The following NRXN1 variants were observed in gnomAD, a reference collection of about 807,000 sequenced individuals.
NRXN1 encodes neurexin 1.
In NRXN1, 39 loss-of-function variants were observed where a neutral mutation model predicts 150.9. The observed-to-expected ratio is 0.26, with a 90% CI of 0.20 to 0.34. The LOEUF (loss-of-function observed/expected upper bound fraction) is 0.34. NRXN1 is among the 10% of genes least tolerant of loss of function. The pLI, the probability that NRXN1 is intolerant of heterozygous loss-of-function variation, is 1.00. For missense variants in NRXN1, 1,815 were observed against 1,949.9 expected (o/e 0.93, Z 1.30); for synonymous variants, 924 against 757.0 (o/e 1.22, Z -3.62).
intron 2 of NRXN1, among the ~76,000 whole-genome samples, chr2:50,991,070 T>G (rs1214495847): frequency 3.9e-5 from 6 of 152,082 alleles, no homozygotes; most frequent in Non-Finnish European, 7.4e-5. Context: ...TGCTAGGAAC[T>G]AGGAATACAG....
intron 5 of NRXN1, among the ~76,000 whole-genome samples, chr2:50,796,165 G>A (rs1329329437): frequency 1.3e-5 from 2 of 152,088 alleles, no homozygotes; most frequent in African/African-American, 4.8e-5. Context: ...CTATAACAGG[G>A]ATTCTCAGAA....
intron 21 of NRXN1, among the ~76,000 whole-genome samples, chr2:50,017,674 T>G (rs1686882587): frequency 6.9e-6 from 1 of 145,006 alleles, no homozygotes; most frequent in African/African-American, 2.7e-5. Context: ...TTTTTTTTTT[T>G]TTTGGATTTA....
chr2:50,820,143 G>C (rs1359473246), intron 5 of NRXN1, among the ~76,000 whole-genome samples: 1 of 151,952 alleles, frequency 6.6e-6, no homozygotes, highest in African/African-American at 2.4e-5. Flanking sequence ...AAAAAAACAA[G>C]AATCATGAAG....
In NRXN1 at chr2:50,472,504, T is replaced by C. The variant is rs763524756; in HGVS notation, c.3071-33A>G. On this transcript the variant is annotated intron_variant, in intron 15 of 22. Transcript: ENST00000401669. ...AAGATCAAAGTCTTTGTTACAAAAGTACCATGTCATTGACTTTAAACACAC... is the reference window on the plus strand; with the variant it reads ...AAGATCAAAGTCTTTGTTACAAAAGCACCATGTCATTGACTTTAAACACAC... The C allele has an allele frequency of 2.4e-5, 38 of 1,575,338 alleles. No individual in the cohort carries two copies. The Admixed American group carries it at 6.1e-4, about 25-fold the overall frequency.
At chr2:50,255,339 C>T (rs185997902) in intron 17 of NRXN1, among the ~76,000 whole-genome samples, 41 of 152,110 alleles carry the variant, frequency 2.7e-4, no homozygotes, top group African/African-American at 9.9e-4. Context: ...TTACATTTTA[C>T]CACCCATGTG....
At position 50,779,768 on chromosome 2, in the gene NRXN1, A is replaced by AAAAAT. The variant is rs202024356; in HGVS notation, c.832+142096_832+142100dup. ...GGGTGACAGAGCCGGACTCCGTCGC[A>AAAAAT]AAAATAAAATAAAATAAAATAAAAC... On this transcript the variant is annotated intron_variant, in intron 5 of 22. Coordinates refer to ENST00000401669, the MANE Select transcript of NRXN1 (RefSeq NM_001330078.2). Among the ~76,000 whole-genome samples, 286 of 152,226 alleles carry AAAAAT rather than the reference A, an allele frequency of 1.9e-3. 4 individuals carry two copies. Among genetic ancestry groups the AAAAAT allele is most frequent in the African/African-American group, 6.6e-3 (272 of 41,514 alleles).
chr2:50,390,924 AAATAAATCATATT>A (rs1329360650), intron 17 of NRXN1, among the ~76,000 whole-genome samples: 4 of 152,168 alleles, frequency 2.6e-5, no homozygotes, highest in African/African-American at 9.7e-5. Context: ...CAGATTAAGA[AAATAAATCATATT>A]AGTATTTCAC....
intron 19 of NRXN1, among the ~76,000 whole-genome samples, chr2:50,065,555 T>G (rs1695230153): frequency 6.6e-6 from 1 of 152,178 alleles, no homozygotes; most frequent in African/African-American, 2.4e-5. Context: ...CCTCAACGAT[T>G]TATCAGGAGG....
intron 17 of NRXN1, among the ~76,000 whole-genome samples, chr2:50,436,439 G>C (rs988363965): frequency 4.7e-5 from 7 of 148,804 alleles, no homozygotes; most frequent in African/African-American, 1.8e-4. Context: ...GGCAACAAGA[G>C]TGAAACTCCG....
intron 18 of NRXN1, among the ~76,000 whole-genome samples, chr2:50,107,632 T>G (rs1701860793): frequency 2.0e-5 from 3 of 150,636 alleles, no homozygotes; most frequent in African/African-American, 7.3e-5. Flanking sequence ...CTGGTTATAT[T>G]CACACATTGT....
At chr2:50,653,497 A>G (rs186900048) in intron 5 of NRXN1, among the ~76,000 whole-genome samples, 135 of 152,164 alleles carry the variant, frequency 8.9e-4, no homozygotes, top group African/African-American at 3.1e-3. Flanking sequence ...AAATACACCA[A>G]CTTAGGTTAC....
At chr2:49,985,033 A>G (rs1018199805) in intron 21 of NRXN1, among the ~76,000 whole-genome samples, 2 of 152,238 alleles carry the variant, frequency 1.3e-5, no homozygotes, top group Non-Finnish European at 2.9e-5. Context: ...GGGCAGTGAA[A>G]TCAGACAGAT....
At chr2:50,741,055 G>C (rs892108468) in intron 5 of NRXN1, among the ~76,000 whole-genome samples, 1 of 152,024 alleles carries the variant, frequency 6.6e-6, no homozygotes, top group African/African-American at 2.4e-5. Flanking sequence ...ATGACTTACT[G>C]CACGCAGAGC....
At chr2:50,224,719 GAGAGAGAGAGA>G (rs2064205864) in intron 18 of NRXN1, among the ~76,000 whole-genome samples, 1 of 150,156 alleles carries the variant, frequency 6.7e-6, no homozygotes, top group Non-Finnish European at 1.5e-5. Flanking sequence ...GAGAGAGAGA[GAGAGAGAGAGA>G]GAGAATGGTT....
chr2:50,646,693 G>A (rs1023693522), intron 5 of NRXN1, among the ~76,000 whole-genome samples: 7 of 139,196 alleles, frequency 5.0e-5, no homozygotes, highest in African/African-American at 1.9e-4. Flanking sequence ...TCCTGCCTCT[G>A]TACTTTCATG....
At chr2:50,598,690 A>T (rs1268415920) in intron 8 of NRXN1, among the ~76,000 whole-genome samples, 1 of 146,254 alleles carries the variant, frequency 6.8e-6, no homozygotes, top group Non-Finnish European at 1.5e-5. Context: ...ATGTATATAC[A>T]TATCTATATA....
chr2:50,123,782 T>C lies in NRXN1; in HGVS notation c.3547-32288A>G, dbSNP rs578139267. Among the ~76,000 whole-genome samples the C allele has an allele frequency of 5.3e-5, 8 of 152,204 alleles. No homozygotes were observed. In the South Asian group the frequency reaches 6.2e-4, roughly 12 times the overall value. ...AAGGAACTGCACCTTGAACTCAAGA[T>C]GATTTCAAGGTTTTTGGAAAAGGCA... On this transcript the variant is annotated intron_variant, in intron 18 of 22. Coordinates refer to ENST00000401669, the MANE Select transcript of NRXN1 (RefSeq NM_001330078.2).
At chr2:50,699,041 A>G (rs1295097749) in intron 5 of NRXN1, among the ~76,000 whole-genome samples, 2 of 152,158 alleles carry the variant, frequency 1.3e-5, no homozygotes, top group Admixed American at 6.6e-5. Context: ...AATCTCTCTA[A>G]AGGCAGAAAC....
intron 8 of NRXN1, chr2:50,554,290 A>G (rs552497714): frequency 1.5e-4 from 23 of 152,304 alleles, no homozygotes; most frequent in Non-Finnish European, 2.9e-5. Context: ...GAAGTCAACC[A>G]AGACAACGCA....
Sources: gnomAD v4.1 joint callset for allele counts (sites outside exome capture counted in the v4.1 genomes callset) on GRCh38, gnomAD v4.1.1 for gene constraint, MANE v1.5 for transcripts, NCBI Gene and HGNC (gene_info 2026-07-23, HGNC 2026-07-21) for gene names.